THTPA: variants seen among roughly 807,000 people sequenced by gnomAD.
The protein encoded by THTPA is thiamine triphosphatase, also known as thiamine-triphosphatase.
In THTPA, 16 loss-of-function variants were observed where a neutral mutation model predicts 16.5. The ratio of observed to expected loss-of-function variants is 0.97; its 90% CI spans 0.66 to 1.47. THTPA has a LOEUF of 1.47. THTPA is among the 40% of genes most tolerant of loss of function. THTPA has a pLI of 0.00. For missense variants in THTPA, 281 were observed against 280.9 expected (o/e 1.00, Z 0.00); for synonymous variants, 110 against 115.5 (o/e 0.95, Z 0.30).
chr14:23,515,571 C>G, the THTPA span, among the ~76,000 whole-genome samples: 2 of 152,150 alleles, frequency 1.3e-5, no homozygotes, highest in African/African-American at 4.8e-5. Context: ...ACAGACTAGC[C>G]CTCAGAAAAC....
chr14:23,528,954 C>T, the THTPA span: 2 of 521,118 alleles, frequency 3.8e-6, no homozygotes, highest in African/African-American at 4.1e-5. Context: ...GCACCTAGCC[C>T]CTGGAGCAGA....
chr14:23,521,837 A>AAC, the THTPA span: 1 of 1,457,114 alleles, frequency 6.9e-7, no homozygotes, highest in East Asian at 2.5e-5. Context: ...GTGGGAACTG[A>AAC]ACAGTTCCTG....
the THTPA span, chr14:23,527,901 C>CTTTT: frequency 6.2e-5 from 28 of 448,856 alleles, no homozygotes; most frequent in Admixed American, 1.2e-4. Flanking sequence ...GCCCCCACTC[C>CTTTT]TTTTTTTTTT....
At chr14:23,524,039 T>C in the THTPA span, 3 of 1,513,872 alleles carry the variant, frequency 2.0e-6, no homozygotes, top group South Asian at 2.5e-5. The surrounding 1 kb of genome is among the most constrained non-coding windows in gnomAD (Gnocchi z 5.6). Context: ...GGCAGTGGGG[T>C]AGGGAAAAGC....
the THTPA span, among the ~76,000 whole-genome samples, chr14:23,520,281 C>T: frequency 3.0e-3 from 454 of 151,912 alleles, 3 homozygotes; most frequent in South Asian, 0.016. The surrounding 1 kb of genome is among the most constrained non-coding windows in gnomAD (Gnocchi z 8.7). Flanking sequence ...TGCTGCTTAA[C>T]GGAGAAGCTG....
upstream of THTPA, among the ~76,000 whole-genome samples, chr14:23,554,038 C>CAA (rs61363455): frequency 5.8e-4 from 21 of 36,052 alleles, no homozygotes; most frequent in Non-Finnish European, 9.0e-4. Flanking sequence ...GACTCTGTCT[C>CAA]AAAAAAAAAA....
the THTPA span, chr14:23,531,681 A>G: frequency 2.8e-6 from 4 of 1,414,692 alleles, no homozygotes; most frequent in East Asian, 2.7e-5. Context: ...GTATAGCCCC[A>G]GCTCTGCCCC....
At chr14:23,553,701 T>C (rs1882137943), upstream of THTPA, among the ~76,000 whole-genome samples, 1 of 151,214 alleles carries the variant, frequency 6.6e-6, no homozygotes, top group Non-Finnish European at 1.5e-5. Context: ...GAGACCATCC[T>C]GACTAACAGG....
chr14:23,536,407 A>T, the THTPA span, among the ~76,000 whole-genome samples: 27 of 152,138 alleles, frequency 1.8e-4, no homozygotes, highest in African/African-American at 6.5e-4. Context: ...TGCAGGCACC[A>T]TGCTTCTCTC....
the THTPA span, among the ~76,000 whole-genome samples, chr14:23,545,136 C>A: frequency 6.6e-6 from 1 of 152,188 alleles, no homozygotes; most frequent in African/African-American, 2.4e-5. Flanking sequence ...TCCCCTCCCC[C>A]ACATTGCCCT....
At chr14:23,541,841 C>A in the THTPA span, among the ~76,000 whole-genome samples, 1 of 152,158 alleles carries the variant, frequency 6.6e-6, no homozygotes, top group East Asian at 1.9e-4. Context: ...CTAAATCTTA[C>A]CTTCTATATT....
the THTPA span, chr14:23,530,401 C>T: frequency 1.5e-6 from 1 of 684,646 alleles, no homozygotes; most frequent in South Asian, 1.5e-5. Context: ...CTGGTAGGGC[C>T]TAAGAGATCA....
chr14:23,531,767 C>G, the THTPA span: 1 of 1,286,004 alleles, frequency 7.8e-7, no homozygotes, highest in Non-Finnish European at 9.9e-7. Flanking sequence ...AGGGACATGC[C>G]AGACCTCAGG....
At chr14:23,549,332 A>G in the THTPA span, among the ~76,000 whole-genome samples, 2 of 151,660 alleles carry the variant, frequency 1.3e-5, no homozygotes, top group African/African-American at 4.9e-5. Context: ...TCTTTCTTTA[A>G]TTCTGTTCAC....
At chr14:23,522,543 CCTT>C in the THTPA span, 1 of 1,527,244 alleles carries the variant, frequency 6.5e-7, no homozygotes. Context: ...GGAAATAGCC[CCTT>C]CTTCATGCCA....
At chr14:23,548,004 T>G in the THTPA span, among the ~76,000 whole-genome samples, 1 of 152,108 alleles carries the variant, frequency 6.6e-6, no homozygotes, top group South Asian at 2.1e-4. Context: ...CCCTCTGGCA[T>G]TTCACAACCC....
chr14:23,531,697 C>A, the THTPA span: 1 of 1,378,452 alleles, frequency 7.3e-7, no homozygotes. Context: ...GCCCCTGCCT[C>A]CGCTCCCTCC....
chr14:23,523,979 G>A, the THTPA span: 1 of 1,528,870 alleles, frequency 6.5e-7, no homozygotes, highest in Non-Finnish European at 8.8e-7. The surrounding 1 kb of genome is among the most constrained non-coding windows in gnomAD (Gnocchi z 4.1). Flanking sequence ...TGTTGGGGTG[G>A]TGGCCTCTTT....
chr14:23,526,398 C>A, the THTPA span: 2 of 1,536,232 alleles, frequency 1.3e-6, no homozygotes, highest in Non-Finnish European at 1.7e-6. Context: ...AGAAACTTGT[C>A]CAGGGCAAAG....
Sources: gnomAD v4.1 joint callset for allele counts (sites outside exome capture counted in the v4.1 genomes callset) on GRCh38, gnomAD v4.1.1 for gene constraint, Gnocchi (gnomAD v3.1) non-coding constraint, MANE v1.5 for transcripts, NCBI Gene and HGNC (gene_info 2026-07-23, HGNC 2026-07-21) for gene names.